The following UVRAG variants were observed in gnomAD, a reference collection of about 807,000 sequenced individuals.
The protein encoded by UVRAG is UV radiation resistance associated.
Under a neutral mutation model 78.0 loss-of-function variants are expected in UVRAG, and 19 were observed. That is an observed-to-expected ratio of 0.24 (90% CI 0.17 to 0.36). The LOEUF is 0.36. Among genes scored for constraint, UVRAG ranks in the 10% least tolerant of loss-of-function variants. The pLI is 1.00. For missense variants in UVRAG, 740 were observed against 853.8 expected (o/e 0.87, Z 1.66); for synonymous variants, 323 against 324.6 (o/e 1.00, Z 0.05).
intron 13 of UVRAG, among the ~76,000 whole-genome samples, chr11:76,074,540 G>T (rs536837648): frequency 6.6e-6 from 1 of 152,160 alleles, no homozygotes; most frequent in Non-Finnish European, 1.5e-5. Context: ...TGTATAGAAT[G>T]TAATGGCTTT....
intron 6 of UVRAG, among the ~76,000 whole-genome samples, chr11:75,923,824 T>C (rs1256021588): frequency 1.3e-5 from 2 of 152,220 alleles, no homozygotes; most frequent in Non-Finnish European, 2.9e-5. Context: ...TTTTATTTTA[T>C]AATTCTTTTA....
chr11:76,048,103 A>C (rs1950797233), intron 12 of UVRAG, among the ~76,000 whole-genome samples: 1 of 152,230 alleles, frequency 6.6e-6, no homozygotes, highest in Non-Finnish European at 1.5e-5. Flanking sequence ...GCTGATTGAT[A>C]CATATGTGAT....
At chr11:75,986,080 C>T (rs1268893700) in intron 8 of UVRAG, among the ~76,000 whole-genome samples, 3 of 152,028 alleles carry the variant, frequency 2.0e-5, no homozygotes, top group African/African-American at 7.2e-5. Flanking sequence ...AATTGTCATA[C>T]CTCATTGCTG....
chr11:75,916,510 T>TCAG (rs1947860247), intron 6 of UVRAG: 1 of 152,270 alleles, frequency 6.6e-6, no homozygotes, highest in African/African-American at 2.4e-5. Context: ...TTTCTACTTT[T>TCAG]CAGCATATTT....
At chr11:76,025,852 C>A (rs1007143345) in intron 12 of UVRAG, among the ~76,000 whole-genome samples, 2 of 152,004 alleles carry the variant, frequency 1.3e-5, no homozygotes, top group African/African-American at 4.8e-5. Context: ...GGTCATATAT[C>A]CTATGTATAA....
At chr11:75,920,023 T>G (rs1260414381) in intron 6 of UVRAG, among the ~76,000 whole-genome samples, 3 of 103,336 alleles carry the variant, frequency 2.9e-5, no homozygotes, top group African/African-American at 4.6e-5. Flanking sequence ...TTTTTTTTTT[T>G]TTTTTTTTTT....
chr11:75,872,898 C>T (rs1216455280), intron 3 of UVRAG, among the ~76,000 whole-genome samples: 2 of 152,196 alleles, frequency 1.3e-5, no homozygotes, highest in East Asian at 1.9e-4. Flanking sequence ...TAGTACCTGG[C>T]ACACTGAACC....
At chr11:75,982,810 T>G (rs1366516334) in intron 7 of UVRAG, among the ~76,000 whole-genome samples, 1 of 152,244 alleles carries the variant, frequency 6.6e-6, no homozygotes, top group Non-Finnish European at 1.5e-5. Flanking sequence ...GTTTTTAAGG[T>G]TGATCCATGT....
intron 4 of UVRAG, among the ~76,000 whole-genome samples, chr11:75,886,546 T>G (rs1429626603): frequency 3.3e-5 from 5 of 152,238 alleles, no homozygotes; most frequent in Non-Finnish European, 7.3e-5. Context: ...TGTTTTCTCT[T>G]TTCCAAGGTG....
At chr11:75,850,317 C>T (rs917143062) in intron 1 of UVRAG, among the ~76,000 whole-genome samples, 1 of 152,192 alleles carries the variant, frequency 6.6e-6, no homozygotes, top group East Asian at 1.9e-4. Flanking sequence ...GGGCAGGAAT[C>T]TTCTTTCCTA....
intron 6 of UVRAG, among the ~76,000 whole-genome samples, chr11:75,932,697 T>C (rs1445603698): frequency 1.3e-5 from 2 of 152,088 alleles, no homozygotes; most frequent in African/African-American, 4.8e-5. Context: ...TATACCAAAA[T>C]CAGTTTCTAT....
At chr11:75,882,646 C>G (rs922726648) in intron 4 of UVRAG, among the ~76,000 whole-genome samples, 3 of 152,072 alleles carry the variant, frequency 2.0e-5, no homozygotes, top group Non-Finnish European at 4.4e-5. Context: ...ACTTATTCCT[C>G]CTATTTAACT....
At chr11:76,047,709 C>T (rs184841461) in intron 12 of UVRAG, among the ~76,000 whole-genome samples, 35 of 152,204 alleles carry the variant, frequency 2.3e-4, no homozygotes, top group Admixed American at 6.5e-4. Flanking sequence ...ACAGTTTGAA[C>T]GTAATTTTTA....
chr11:76,006,568 G>A (rs1949944010), intron 9 of UVRAG, among the ~76,000 whole-genome samples: 1 of 145,222 alleles, frequency 6.9e-6, no homozygotes, highest in South Asian at 2.2e-4. Context: ...GCTGAGGTGA[G>A]AGGATCAGCT....
In UVRAG at chr11:75,927,268, C is replaced by T. The variant is rs904437585; in HGVS notation, c.593+15229C>T. Among the ~76,000 whole-genome samples the T allele has an allele frequency of 6.6e-5, 10 of 151,936 alleles. No homozygotes were observed. The East Asian group carries it at 1.9e-3, about 29-fold the overall frequency. On this transcript the variant is annotated intron_variant, in intron 6 of 14. Coordinates refer to ENST00000356136, the MANE Select transcript of UVRAG (RefSeq NM_003369.4). ...TATTTTTAGTAGAGCTGGAGTTTTG[C>T]GATGTTGGCCAGACTGCTGTCTTAA...
intron 12 of UVRAG, among the ~76,000 whole-genome samples, chr11:76,026,604 C>G (rs1213421071): frequency 6.6e-6 from 1 of 152,066 alleles, no homozygotes; most frequent in Non-Finnish European, 1.5e-5. Context: ...TATAACCTTT[C>G]ATCTTCATTT....
At chr11:75,908,152 C>T (rs539496977) in intron 5 of UVRAG, among the ~76,000 whole-genome samples, 1 of 152,232 alleles carries the variant, frequency 6.6e-6, no homozygotes, top group African/African-American at 2.4e-5. Flanking sequence ...CTCTAGGTAC[C>T]TCATATGAAT....
intron 1 of UVRAG, among the ~76,000 whole-genome samples, chr11:75,843,210 T>A (rs966541772): frequency 2.6e-5 from 4 of 152,254 alleles, no homozygotes; most frequent in African/African-American, 9.6e-5. Flanking sequence ...TGGTGTGTGA[T>A]CTGACCGGGT....
At chr11:76,008,925 C>A (rs1012274063) in intron 11 of UVRAG, 58 bp downstream of exon 11, 2 of 1,019,546 alleles carry the variant, frequency 2.0e-6, no homozygotes, top group Non-Finnish European at 2.8e-6. Flanking sequence ...AATAGAATAT[C>A]TTGAAATGCT....
Sources: allele counts gnomAD v4.1 joint callset (sites outside exome capture counted in the v4.1 genomes callset), GRCh38; gene constraint gnomAD v4.1.1; transcripts MANE v1.5; gene names NCBI Gene and HGNC (gene_info 2026-07-23, HGNC 2026-07-21).